The following MFSD8 variants were observed in gnomAD, a reference collection of about 807,000 sequenced individuals.
MFSD8 encodes the protein major facilitator superfamily domain-containing protein 8.
Under a neutral mutation model 66.4 loss-of-function variants are expected in MFSD8, and 55 were observed. That is an observed-to-expected ratio of 0.83 (90% CI 0.67 to 1.04). The LOEUF (loss-of-function observed/expected upper bound fraction) is 1.04, where lower values mean the gene tolerates loss of function less well. MFSD8 is among the 50% of genes least tolerant of loss of function. The pLI is 0.00. For synonymous variants in MFSD8, 202 were observed against 212.8 expected (o/e 0.95, Z 0.44); for missense variants, 550 against 627.6 (o/e 0.88, Z 1.32).
At position 127,949,832 on chromosome 4, in the gene MFSD8, A is replaced by G. The variant is rs895772342; in HGVS notation, c.170T>C (p.Met57Thr). Residue 57 changes from methionine (M) to threonine (T), a missense_variant, in exon 3 of 12, where the codon ATG (methionine) becomes ACG (threonine). Coordinates refer to ENST00000641686, the MANE Select transcript of MFSD8 (RefSeq NM_001371596.2). ...FLSSVGFSVV[M>T]MSIWPYLQKI... ...TTGGAGATATGGCCATATGGACATC[A>G]TCACTACAGAAAACCCTGTGAAGAA... 6.2e-7 allele frequency: 1 copy of G among 1,611,840 alleles called. No individual in the cohort carries two copies. Among genetic ancestry groups the G allele is most frequent in the Admixed American group, 1.7e-5 (1 of 59,892 alleles).
Position 127,932,986 on chromosome 4 carries a change from T to C in MFSD8, c.862A>G (p.Thr288Ala). ...VTLFIFALFE[T>A]IITPLTMDMY... ...AGATGAAGATGGAATAAAACTTACGTTTCAAAAAGGGCAAAGATAAATAGA... is the reference window on the plus strand; with the variant it reads ...AGATGAAGATGGAATAAAACTTACGCTTCAAAAAGGGCAAAGATAAATAGA... Residue 288 changes from threonine (T) to alanine (A), a missense_variant and splice_region_variant, in exon 8 of 12, where the codon ACC becomes GCC. Coordinates refer to ENST00000641686, the MANE Select transcript of MFSD8 (RefSeq NM_001371596.2). 1 of 1,610,418 alleles carries C rather than the reference T, an allele frequency of 6.2e-7. No individual in the cohort carries two copies.
chr4:127,923,814 T>C (rs1736757090), intron 9 of MFSD8, among the ~76,000 whole-genome samples: 1 of 151,884 alleles, frequency 6.6e-6, no homozygotes, highest in Non-Finnish European at 1.5e-5. Flanking sequence ...ACCTCTGACC[T>C]CGTGATCCAC....
intron 1 of MFSD8, among the ~76,000 whole-genome samples, chr4:127,960,752 G>A (rs1050029111): frequency 7.9e-5 from 12 of 151,982 alleles, no homozygotes; most frequent in Admixed American, 2.6e-4. Context: ...AGCTACAAAC[G>A]GTTTTTACAG....
intron 5 of MFSD8, 61 bp from the exon 6 acceptor site, chr4:127,940,058 G>C: frequency 7.0e-7 from 1 of 1,435,080 alleles, no homozygotes; most frequent in Non-Finnish European, 9.7e-7. Flanking sequence ...ATAAAAAAAT[G>C]AAAAAGACAT....
intron 2 of MFSD8, among the ~76,000 whole-genome samples, chr4:127,957,291 C>A (rs1410705399): frequency 2.0e-5 from 3 of 151,948 alleles, no homozygotes; most frequent in Admixed American, 6.6e-5. Flanking sequence ...TTCTCTTTTG[C>A]AAGATGAAAA....
chr4:127,933,242 A>G (rs772948216), intron 7 of MFSD8, 149 bp from the exon 8 acceptor site: 4 of 624,552 alleles, frequency 6.4e-6, no homozygotes, highest in Non-Finnish European at 1.1e-5. Context: ...TAATAAGAGA[A>G]TTTGTTTATT....
chr4:127,939,004 C>T lies in MFSD8; in HGVS notation c.699-166G>A, dbSNP rs185032988. On this transcript the variant is annotated intron_variant, in intron 6 of 11. Transcript: ENST00000641686. ...TGAGATATAACCAATAAACTTAAGA[C>T]AGAAGTTACAATTCTTATCAAATTA... is the stretch of plus-strand genomic sequence containing the variant. The T allele has an allele frequency of 4.5e-4, 210 of 463,722 alleles. 2 individuals are homozygous for T. Among genetic ancestry groups the T allele is most frequent in the African/African-American group, 3.2e-3 (164 of 50,706 alleles). 28.7% of individuals were successfully genotyped at this position (463,722 alleles called of 1,614,324 possible). A position where few individuals can be genotyped will look rare whatever the true frequency, so the allele number is the denominator to read the frequency against.
intron 2 of MFSD8, 26 bp from the exon 3 acceptor site, chr4:127,949,873 T>A (rs746772685): frequency 6.3e-7 from 1 of 1,584,156 alleles, no homozygotes; most frequent in East Asian, 2.2e-5. Flanking sequence ...CTAGGTTATT[T>A]ATACTTATAA....
intron 8 of MFSD8, chr4:127,932,425 T>C (rs1200311763): frequency 1.3e-5 from 2 of 152,566 alleles, no homozygotes; most frequent in African/African-American, 4.8e-5. Flanking sequence ...TTAGCAGTGG[T>C]TACTTTCACA....
At chr4:127,953,838 A>C (rs1578966689) in intron 2 of MFSD8, among the ~76,000 whole-genome samples, 2 of 152,276 alleles carry the variant, frequency 1.3e-5, no homozygotes, top group East Asian at 3.9e-4. Flanking sequence ...ATTATAAAGA[A>C]TTGTTGAAAA....
rs767331120 is a variant in MFSD8 at position 127,930,737 on chromosome 4, G to T, written c.944C>A (p.Ala315Asp). The T allele has an allele frequency of 2.5e-6, 4 of 1,613,480 alleles. No individual in the cohort carries two copies. The highest frequency in any genetic ancestry group is 3.4e-6 in the Non-Finnish European group (4 of 1,179,796). ...AVLYNGIILAALGVEAVVIFL... is the reference protein window; with the variant it reads ...AVLYNGIILADLGVEAVVIFL... ...AATAACAACGGCTTCAACCCCAAGA[G>T]CAGCAAGTATTATGCCATTATATAA... Residue 315 changes from alanine to aspartate, a missense_variant, in exon 9 of 12, where the codon GCT (alanine) becomes GAT (aspartate). Transcript: ENST00000641686.
At chr4:127,925,655 T>C (rs970832218) in intron 9 of MFSD8, among the ~76,000 whole-genome samples, 2 of 152,154 alleles carry the variant, frequency 1.3e-5, no homozygotes, top group African/African-American at 4.8e-5. Flanking sequence ...TGTAAATTAG[T>C]TCAACCATTG....
chr4:127,937,262 G>A (rs920824914), intron 7 of MFSD8, among the ~76,000 whole-genome samples: 1 of 152,128 alleles, frequency 6.6e-6, no homozygotes, highest in African/African-American at 2.4e-5. Context: ...TTGTTCTAGA[G>A]TAACAGCATA....
chr4:127,937,775 T>C (rs1259451755), intron 7 of MFSD8, among the ~76,000 whole-genome samples: 4 of 152,202 alleles, frequency 2.6e-5, no homozygotes, highest in African/African-American at 4.8e-5. Flanking sequence ...AAACTTACTG[T>C]AGCTCCTCAC....
chr4:127,921,992 TA>T (rs1425507887), intron 9 of MFSD8, 29 bp from the exon 10 acceptor site: 1 of 1,573,304 alleles, frequency 6.4e-7, no homozygotes, highest in Non-Finnish European at 8.7e-7. Context: ...TCTGTAATTT[TA>T]AAATGAAACA....
intron 4 of MFSD8, among the ~76,000 whole-genome samples, chr4:127,943,217 CAAA>C (rs770669550): frequency 9.1e-6 from 1 of 110,002 alleles, no homozygotes; most frequent in Non-Finnish European, 2.0e-5. Context: ...GACTCCGTTT[CAAA>C]AAAAAAAAAA....
chr4:127,925,420 T>C (rs1252732254), intron 9 of MFSD8, among the ~76,000 whole-genome samples: 1 of 151,994 alleles, frequency 6.6e-6, no homozygotes, highest in Non-Finnish European at 1.5e-5. Context: ...CATCAAAAAG[T>C]GGGCAAAGGA....
intron 6 of MFSD8, 86 bp from the exon 7 acceptor site, chr4:127,938,924 T>TC: frequency 9.4e-7 from 1 of 1,064,566 alleles, no homozygotes; most frequent in African/African-American, 1.6e-5. Flanking sequence ...GTATTTTTTT[T>TC]CACATTCTAA....
chr4:127,938,895 T>A, intron 6 of MFSD8, 57 bp from the exon 7 acceptor site: 1 of 1,329,170 alleles, frequency 7.5e-7, no homozygotes, highest in Non-Finnish European at 1.1e-6. Context: ...AGAAGTTGTT[T>A]AAATTTATTA....
Sources: gnomAD v4.1 joint callset for allele counts (sites outside exome capture counted in the v4.1 genomes callset) on GRCh38, gnomAD v4.1.1 for gene constraint, MANE v1.5 for transcripts, NCBI Gene and HGNC (gene_info 2026-07-23, HGNC 2026-07-21) for gene names.